IGSF11: variants seen among roughly 807,000 people sequenced by gnomAD.
IGSF11 encodes the protein CXADR like 1.
A neutral mutation model predicts 41.0 loss-of-function variants in IGSF11; 22 were observed. That is an observed-to-expected ratio of 0.54 (90% confidence interval 0.38 to 0.77). The LOEUF (loss-of-function observed/expected upper bound fraction) is 0.77, where lower values mean the gene tolerates loss of function less well. IGSF11 is among the 30% of genes least tolerant of loss of function. The probability of loss-of-function intolerance (pLI) is 0.00; values close to 1 mark genes in which losing one functional copy is unlikely to be tolerated. For missense variants in IGSF11, 444 were observed against 530.8 expected (o/e 0.84, Z 1.61); for synonymous variants, 219 against 201.3 (o/e 1.09, Z -0.74).
At chr3:119,027,946 T>C (rs1053039952) in intron 1 of IGSF11, among the ~76,000 whole-genome samples, 4 of 152,194 alleles carry the variant, frequency 2.6e-5, no homozygotes, top group Non-Finnish European at 5.9e-5. Flanking sequence ...CTGCAAGAAG[T>C]GATGCTTACT....
intron 4 of IGSF11, among the ~76,000 whole-genome samples, chr3:118,920,188 C>G (rs1252423780): frequency 1.3e-5 from 2 of 148,410 alleles, no homozygotes; most frequent in African/African-American, 5.0e-5. Flanking sequence ...TGCAGAGCAC[C>G]AGCATGGCAC....
intron 1 of IGSF11, among the ~76,000 whole-genome samples, chr3:118,935,836 T>C (rs1224739571): frequency 6.6e-6 from 1 of 152,126 alleles, no homozygotes; most frequent in Admixed American, 6.5e-5. Context: ...AAATTAAGAT[T>C]TTCTTATTCT....
intron 1 of IGSF11, among the ~76,000 whole-genome samples, chr3:118,951,681 A>AC (rs1177440750): frequency 6.6e-6 from 1 of 151,882 alleles, no homozygotes; most frequent in Non-Finnish European, 1.5e-5. Flanking sequence ...GTTCCAGGAC[A>AC]CCCCCCAGAC....
chr3:119,054,306 G>C (rs1247768242), intron 1 of IGSF11, among the ~76,000 whole-genome samples: 1 of 151,912 alleles, frequency 6.6e-6, no homozygotes, highest in Non-Finnish European at 1.5e-5. Flanking sequence ...CTAATATCTA[G>C]AATCTACAAG....
upstream of IGSF11, among the ~76,000 whole-genome samples, chr3:119,039,139 TGTTA>T (rs1941020943): frequency 6.6e-6 from 1 of 152,258 alleles, no homozygotes; most frequent in African/African-American, 2.4e-5. Context: ...ACAGGGCCCG[TGTTA>T]GTTGTCTATT....
upstream of IGSF11, among the ~76,000 whole-genome samples, chr3:119,039,593 T>C (rs1188088463): frequency 6.6e-6 from 1 of 152,184 alleles, no homozygotes; most frequent in Admixed American, 6.5e-5. Flanking sequence ...GGGGGGCCCT[T>C]ATTCTGATTA....
In IGSF11 at chr3:118,989,462, C is replaced by T. The variant is rs887687646; in HGVS notation, c.52+45069G>A. Among the ~76,000 whole-genome samples, 5 of 152,250 alleles carry T rather than the reference C, an allele frequency of 3.3e-5. No homozygotes were observed. The East Asian group carries it at 7.7e-4, about 24-fold the overall frequency. On this transcript the variant is annotated intron_variant, in intron 1 of 6. Coordinates refer to ENST00000393775, the MANE Select transcript of IGSF11 (RefSeq NM_001015887.3). Reference sequence around the variant, plus strand: ...CCGCCTCGCGGGTTCACGCCATTCTCCTGCCTCAGGCTCCTGAGTAGCTGG... The same window carrying T: ...CCGCCTCGCGGGTTCACGCCATTCTTCTGCCTCAGGCTCCTGAGTAGCTGG...
At chr3:118,989,998 G>A (rs971914884) in intron 1 of IGSF11, among the ~76,000 whole-genome samples, 2 of 152,052 alleles carry the variant, frequency 1.3e-5, no homozygotes, top group Non-Finnish European at 2.9e-5. Context: ...GCAAAGGCTC[G>A]GGGTCATACT....
chr3:119,057,719 AC>A (rs1941902402), intron 1 of IGSF11, among the ~76,000 whole-genome samples: 1 of 152,232 alleles, frequency 6.6e-6, no homozygotes, highest in African/African-American at 2.4e-5. Context: ...CTGACTTCAA[AC>A]TATACTACAA....
chr3:118,907,801 A>T (rs1435283047), intron 4 of IGSF11, among the ~76,000 whole-genome samples: 1 of 152,218 alleles, frequency 6.6e-6, no homozygotes, highest in East Asian at 1.9e-4. Context: ...CCAAGTCCAA[A>T]GCTTATACTC....
chr3:119,062,089 T>C (rs940452371), intron 1 of IGSF11, among the ~76,000 whole-genome samples: 2 of 152,180 alleles, frequency 1.3e-5, no homozygotes, highest in Admixed American at 1.3e-4. Context: ...TCAGGTAATA[T>C]GTATGAAAAT....
chr3:118,965,259 C>T (rs1945591069), intron 1 of IGSF11, among the ~76,000 whole-genome samples: 1 of 152,112 alleles, frequency 6.6e-6, no homozygotes, highest in African/African-American at 2.4e-5. Context: ...GTACCATACT[C>T]AAATTCTAAC....
At chr3:119,034,866 C>T (rs1940797162), upstream of IGSF11, 1 of 1,202,678 alleles carries the variant, frequency 8.3e-7, no homozygotes, top group Non-Finnish European at 1.0e-6. Flanking sequence ...CTCGCGCAGT[C>T]CGGGGAGCCA....
rs150473734 is a variant in IGSF11 at position 119,099,510 on chromosome 3, T to C, written c.49+5634A>G. ...CAAAGTAAATGGTAGATGAATGAGC[T>C]CTTTAAGGATACTTAAATCATCAAC... On this transcript the variant is annotated intron_variant, in intron 1 of 6. Coordinates refer to the IGSF11 transcript ENST00000354673. Among the ~76,000 whole-genome samples the C allele has an allele frequency of 1.4e-4, 21 of 152,332 alleles. No homozygotes were observed. The East Asian group carries it at 3.1e-3, about 22-fold the overall frequency.
At chr3:119,110,057 G>C (rs1223330176), upstream of IGSF11, among the ~76,000 whole-genome samples, 3 of 152,132 alleles carry the variant, frequency 2.0e-5, no homozygotes, top group Non-Finnish European at 4.4e-5. Context: ...TGAAAAAAAT[G>C]TATATTCTGT....
intron 1 of IGSF11, among the ~76,000 whole-genome samples, chr3:119,066,755 G>A (rs1299770395): frequency 6.6e-6 from 1 of 152,038 alleles, no homozygotes; most frequent in Non-Finnish European, 1.5e-5. Flanking sequence ...CTTTTGTCTT[G>A]CCATGCTTCA....
chr3:118,906,036 T>C (rs754537539), intron 4 of IGSF11, among the ~76,000 whole-genome samples: 5 of 152,198 alleles, frequency 3.3e-5, no homozygotes, highest in Non-Finnish European at 7.3e-5. Flanking sequence ...CTAGGGAATT[T>C]AAGGTAACAC....
chr3:118,916,543 A>G (rs549618770), intron 4 of IGSF11, among the ~76,000 whole-genome samples: 144 of 151,712 alleles, frequency 9.5e-4, no homozygotes, highest in African/African-American at 3.4e-3. Context: ...GATCAATTCA[A>G]CAAGAGGAGC....
intron 1 of IGSF11, among the ~76,000 whole-genome samples, chr3:118,970,548 T>C (rs1312262793): frequency 1.3e-5 from 2 of 152,200 alleles, no homozygotes; most frequent in Non-Finnish European, 2.9e-5. Context: ...CCTGGCATTA[T>C]CAAAACAGAA....
Sources: gnomAD v4.1 joint callset for allele counts (sites outside exome capture counted in the v4.1 genomes callset) on GRCh38, gnomAD v4.1.1 for gene constraint, MANE v1.5 for transcripts, NCBI Gene and HGNC (gene_info 2026-07-23, HGNC 2026-07-21) for gene names.